Variants in GRIA4 observed in about 807,000 individuals in gnomAD.
GRIA4 encodes glutamate receptor 4.
GRIA4 carries 34 observed loss-of-function variants against 104.0 expected under a neutral mutation model. The observed-to-expected ratio is 0.33, with a 90% confidence interval of 0.25 to 0.44. The LOEUF (loss-of-function observed/expected upper bound fraction) is 0.44, where lower values mean the gene tolerates loss of function less well. Among genes scored for constraint, GRIA4 ranks in the 20% least tolerant of loss-of-function variants. The pLI is 1.00. For synonymous variants in GRIA4, 386 were observed against 381.9 expected, an observed-to-expected ratio of 1.01 and a Z score of -0.13; for missense variants, 750 against 1,096.5, an observed-to-expected ratio of 0.68 and a Z score of 4.46.
Position 105,862,007 on chromosome 11 carries a change from T to A in GRIA4, c.488-17T>A. On this transcript the variant is annotated splice_polypyrimidine_tract_variant and intron_variant, in intron 4 of 16. Transcript: ENST00000282499. ...GAGTAAAAGCATGTTTTTAGTAACT[T>A]TTTTTTTCCCCAATAGGATACTCGA... 6.4e-7 allele frequency: 1 copy of A among 1,569,194 alleles called. No homozygotes were observed. The highest frequency in any genetic ancestry group is 1.7e-4 in the Middle Eastern group (1 of 5,912).
intron 14 of GRIA4, among the ~76,000 whole-genome samples, chr11:105,947,569 C>T (rs544504123): frequency 6.6e-6 from 1 of 152,166 alleles, no homozygotes. Flanking sequence ...ATTGAAATGA[C>T]AGCACCACTT....
At chr11:105,880,112 G>T (rs1591388155) in intron 5 of GRIA4, among the ~76,000 whole-genome samples, 1 of 152,114 alleles carries the variant, frequency 6.6e-6, no homozygotes, top group African/African-American at 2.4e-5. Flanking sequence ...TTTAAAAAGA[G>T]CTTGCTTCTA....
intron 3 of GRIA4, among the ~76,000 whole-genome samples, chr11:105,677,513 A>C (rs1432053911): frequency 6.6e-6 from 1 of 151,948 alleles, no homozygotes; most frequent in Non-Finnish European, 1.5e-5. Flanking sequence ...GGAATCTATA[A>C]ATTCAAACAA....
intron 4 of GRIA4, among the ~76,000 whole-genome samples, chr11:105,819,502 C>T (rs1384196695): frequency 6.6e-6 from 1 of 152,076 alleles, no homozygotes; most frequent in African/African-American, 2.4e-5. Context: ...CTGAAAAATA[C>T]AATCTTAGGT....
chr11:105,857,358 A>G (rs1346950469), intron 4 of GRIA4, among the ~76,000 whole-genome samples: 1 of 152,116 alleles, frequency 6.6e-6, no homozygotes, highest in Admixed American at 6.6e-5. Context: ...GACCAGAGAT[A>G]TTGATGATGT....
chr11:105,866,435 G>A (rs922316712), intron 5 of GRIA4, among the ~76,000 whole-genome samples: 1 of 151,070 alleles, frequency 6.6e-6, no homozygotes, highest in Non-Finnish European at 1.5e-5. Flanking sequence ...TGTGTTGTGT[G>A]TGTGTGTTTG....
chr11:105,852,118 T>C (rs1487971356), intron 4 of GRIA4, among the ~76,000 whole-genome samples: 1 of 152,204 alleles, frequency 6.6e-6, no homozygotes, highest in Admixed American at 6.6e-5. Context: ...AGCTGAGTAA[T>C]GAGTCTGAGA....
At chr11:105,730,768 G>A (rs1938534114) in intron 3 of GRIA4, among the ~76,000 whole-genome samples, 1 of 152,148 alleles carries the variant, frequency 6.6e-6, no homozygotes, top group Non-Finnish European at 1.5e-5. Context: ...CCAAAAACAA[G>A]CAGTGGGGTA....
chr11:105,734,409 A>G (rs982325317), intron 3 of GRIA4, among the ~76,000 whole-genome samples: 1 of 152,118 alleles, frequency 6.6e-6, no homozygotes, highest in Non-Finnish European at 1.5e-5. Flanking sequence ...TAAGCTTTCA[A>G]CAACTTTTGG....
chr11:105,741,310 C>T (rs993708724), intron 3 of GRIA4, among the ~76,000 whole-genome samples: 1 of 152,058 alleles, frequency 6.6e-6, no homozygotes, highest in Middle Eastern at 3.4e-3. Context: ...AAGAGACAAC[C>T]AAAGGGTGTG....
At position 105,938,021 on chromosome 11, in the gene GRIA4, T is replaced by C. The variant is rs529447122; in HGVS notation, c.2294+4052T>C. 2.6e-5 allele frequency among the ~76,000 whole-genome samples: 4 copies of C among 152,294 alleles called. No homozygotes were observed. In the East Asian group the frequency reaches 5.8e-4, roughly 22 times the overall value. ...GGGAATTAGAATACCACATCTCTCA[T>C]TGGACTTTTCCTTTCAGTATTGAAC... On this transcript the variant is annotated intron_variant, in intron 14 of 16. Coordinates refer to ENST00000282499, the MANE Select transcript of GRIA4 (RefSeq NM_000829.4).
chr11:105,926,933 C>T lies in GRIA4; in HGVS notation c.2040C>T (p.Phe680=), dbSNP rs141120060. 6.2e-7 allele frequency: 1 copy of T among 1,603,308 alleles called. No individual in the cohort carries two copies. Among genetic ancestry groups the T allele is most frequent in the Non-Finnish European group, 8.5e-7 (1 of 1,171,036 alleles). ...GTLDSGSTKE[F]FRRSKIAVYE... ...TGGATTCAGGATCAACAAAAGAATT[C>T]TTCAGAGTAAGTTAAGGGAAAAACT... Residue 680 remains phenylalanine (F), a synonymous_variant, in exon 13 of 17, where the codon TTC becomes TTT. Transcript: ENST00000282499.
At chr11:105,836,589 A>G (rs1016413191) in intron 4 of GRIA4, among the ~76,000 whole-genome samples, 1 of 152,112 alleles carries the variant, frequency 6.6e-6, no homozygotes, top group African/African-American at 2.4e-5. Context: ...CTTGTAGATA[A>G]TACTATCTGT....
At chr11:105,668,677 C>CTTTTTTTTTTTTTTTTTTT (rs11378145) in intron 3 of GRIA4, among the ~76,000 whole-genome samples, 1 of 140,514 alleles carries the variant, frequency 7.1e-6, no homozygotes, top group African/African-American at 2.6e-5. Context: ...TATCTTTTGT[C>CTTTTTTTTTTTTTTTTTTT]TTTTTTTTTT....
At chr11:105,892,832 C>T (rs1370544847) in intron 6 of GRIA4, among the ~76,000 whole-genome samples, 1 of 152,162 alleles carries the variant, frequency 6.6e-6, no homozygotes, top group Non-Finnish European at 1.5e-5. Flanking sequence ...TTCTATTTGA[C>T]ATTCCTTCCA....
intron 3 of GRIA4, among the ~76,000 whole-genome samples, chr11:105,739,912 A>G (rs1939203142): frequency 6.6e-6 from 1 of 152,184 alleles, no homozygotes; most frequent in African/African-American, 2.4e-5. Flanking sequence ...AGAATGAAAA[A>G]CAAATATTCA....
chr11:105,844,658 A>C (rs1342863533), intron 4 of GRIA4, among the ~76,000 whole-genome samples: 1 of 152,218 alleles, frequency 6.6e-6, no homozygotes, highest in Non-Finnish European at 1.5e-5. Flanking sequence ...TATTTCTCCA[A>C]AGATCCTAAA....
intron 3 of GRIA4, among the ~76,000 whole-genome samples, chr11:105,752,283 A>G (rs1270441663): frequency 6.6e-6 from 1 of 151,996 alleles, no homozygotes; most frequent in African/African-American, 2.4e-5. Flanking sequence ...GGGTTTTGGA[A>G]TTGGTTTGTC....
At chr11:105,712,301 T>C (rs928725027) in intron 3 of GRIA4, among the ~76,000 whole-genome samples, 2 of 151,884 alleles carry the variant, frequency 1.3e-5, no homozygotes, top group African/African-American at 4.8e-5. Context: ...TTAGTTTAAA[T>C]GAAACTGTGT....
Sources: gnomAD v4.1 joint callset for allele counts (sites outside exome capture counted in the v4.1 genomes callset) on GRCh38, gnomAD v4.1.1 for gene constraint, MANE v1.5 for transcripts, NCBI Gene and HGNC (gene_info 2026-07-23, HGNC 2026-07-21) for gene names.